The following GRIN2A variants were observed in gnomAD, a reference collection of about 807,000 sequenced individuals.
GRIN2A encodes glutamate ionotropic receptor NMDA type subunit 2A, also known as glutamate receptor ionotropic, NMDA 2A.
Under a neutral mutation model 113.4 loss-of-function variants are expected in GRIN2A, and 22 were observed. The ratio of observed to expected loss-of-function variants is 0.19; its 90% confidence interval spans 0.14 to 0.28. The LOEUF (loss-of-function observed/expected upper bound fraction) is 0.28. Among genes scored for constraint, GRIN2A ranks in the 10% least tolerant of loss-of-function variants. The probability of loss-of-function intolerance (pLI) is 1.00; values close to 1 mark genes in which losing one functional copy is unlikely to be tolerated. For missense variants in GRIN2A, 1,502 were observed against 1,887.0 expected, an observed-to-expected ratio of 0.80 and a Z score of 3.78; for synonymous variants, 827 against 738.4, an observed-to-expected ratio of 1.12 and a Z score of -1.94.
At chr16:9,975,867 T>C (rs2045764955) in intron 2 of GRIN2A, among the ~76,000 whole-genome samples, 1 of 152,190 alleles carries the variant, frequency 6.6e-6, no homozygotes, top group African/African-American at 2.4e-5. Context: ...GAATGGACCA[T>C]CTTTATTAGC....
At chr16:9,793,419 G>A (rs974075117) in intron 11 of GRIN2A, among the ~76,000 whole-genome samples, 11 of 152,070 alleles carry the variant, frequency 7.2e-5, no homozygotes, top group African/African-American at 2.7e-4. Flanking sequence ...AAATGCATGA[G>A]ATAGATGGGA....
intron 2 of GRIN2A, among the ~76,000 whole-genome samples, chr16:9,959,158 T>A (rs955149116): frequency 4.6e-5 from 7 of 152,200 alleles, no homozygotes; most frequent in African/African-American, 1.7e-4. Context: ...GGACAAGTAT[T>A]CATTTGGACC....
chr16:10,078,325 C>T (rs1372087453), intron 2 of GRIN2A, among the ~76,000 whole-genome samples: 1 of 151,870 alleles, frequency 6.6e-6, no homozygotes, highest in African/African-American at 2.4e-5. Context: ...CTCGTCTGTT[C>T]CTCGTGACCA....
chr16:9,772,635 C>A (rs1225563272), intron 11 of GRIN2A, among the ~76,000 whole-genome samples: 1 of 152,160 alleles, frequency 6.6e-6, no homozygotes, highest in East Asian at 1.9e-4. Flanking sequence ...CTCAGCCTCC[C>A]AAAGTGCTAG....
intron 11 of GRIN2A, among the ~76,000 whole-genome samples, chr16:9,783,384 G>A (rs1902040320): frequency 6.6e-6 from 1 of 152,150 alleles, no homozygotes; most frequent in South Asian, 2.1e-4. Context: ...TTTCAGTTTT[G>A]CCTGCTTTAT....
At chr16:10,070,881 C>T (rs2047736594) in intron 2 of GRIN2A, among the ~76,000 whole-genome samples, 1 of 152,182 alleles carries the variant, frequency 6.6e-6, no homozygotes, top group Admixed American at 6.5e-5. Context: ...GGGTACTTTG[C>T]CCTCTAAGAA....
intron 2 of GRIN2A, among the ~76,000 whole-genome samples, chr16:10,126,955 G>C (rs1015182091): frequency 6.6e-6 from 1 of 152,142 alleles, no homozygotes; most frequent in East Asian, 1.9e-4. Context: ...CATAAACAAA[G>C]AGCCTTTTCT....
intron 4 of GRIN2A, among the ~76,000 whole-genome samples, chr16:9,864,132 C>G (rs1396098716): frequency 6.6e-6 from 1 of 152,090 alleles, no homozygotes; most frequent in Non-Finnish European, 1.5e-5. Context: ...TGTACTTTTT[C>G]TGGGTAAATT....
chr16:10,006,997 T>C, intron 2 of GRIN2A, among the ~76,000 whole-genome samples: 1 of 152,254 alleles, frequency 6.6e-6, no homozygotes, highest in Admixed American at 6.5e-5. Flanking sequence ...TACTCCATTG[T>C]GTATATGTAC....
rs1048018768 is a variant in GRIN2A, at chr16:9,896,890, C to T, written c.1008-5790G>A. ...CCATTTTACACCACATTGATCAGTT[C>T]CCATTAACACCTGCTGGGCACTTGT... On this transcript the variant is annotated intron_variant, in intron 3 of 12. Coordinates refer to ENST00000330684, the MANE Select transcript of GRIN2A (RefSeq NM_001134407.3). 2.0e-5 allele frequency among the ~76,000 whole-genome samples: 3 copies of T among 152,280 alleles called. No individual in the cohort carries two copies. In the South Asian group the frequency reaches 6.2e-4, roughly 32 times the overall value.
intron 2 of GRIN2A, among the ~76,000 whole-genome samples, chr16:10,065,731 T>G (rs2047636389): frequency 1.3e-5 from 2 of 152,216 alleles, no homozygotes; most frequent in Non-Finnish European, 2.9e-5. Context: ...AAGTGAATGC[T>G]AAGCTGGAAG....
intron 10 of GRIN2A, among the ~76,000 whole-genome samples, chr16:9,815,660 C>T (rs1463700976): frequency 1.3e-5 from 2 of 152,026 alleles, no homozygotes; most frequent in African/African-American, 4.8e-5. Flanking sequence ...AAATTGGAAC[C>T]CTTGTGCACT....
At position 10,180,267 on chromosome 16, in the gene GRIN2A, G is replaced by A. The variant is rs1413736970; in HGVS notation, c.145C>T (p.Arg49Cys). ...GGGCCCCACAGTGTTCGAAGTTCGCGCTCTGTCACGTCGTGGCTGTGACCC... is the reference window on the plus strand; with the variant it reads ...GGGCCCCACAGTGTTCGAAGTTCGCACTCTGTCACGTCGTGGCTGTGACCC... The part of the protein sequence containing the change: ...MLGHSHDVTE[R>C]ELRTLWGPEQ... The change falls in exon 2 of 13, where the codon CGC becomes TGC. Residue 49 changes from arginine to cysteine, a missense_variant. Arg to Cys is a radical substitution (Grantham distance 180). Transcript: ENST00000330684. This position sits in a 1 kb window ranked among gnomAD's most constrained non-coding sequence, Gnocchi z 7.0. 6.2e-7 allele frequency: 1 copy of A among 1,613,606 alleles called. No individual in the cohort carries two copies. Among genetic ancestry groups the A allele is most frequent in the Non-Finnish European group, 8.5e-7 (1 of 1,180,016 alleles).
chr16:9,935,909 C>A (rs980796213), intron 3 of GRIN2A, among the ~76,000 whole-genome samples: 3 of 152,042 alleles, frequency 2.0e-5, no homozygotes, highest in Non-Finnish European at 4.4e-5. Flanking sequence ...ACCATGTTGA[C>A]CAGGCTGGTC....
chr16:10,026,829 C>G (rs527356751), intron 2 of GRIN2A, among the ~76,000 whole-genome samples: 1 of 152,284 alleles, frequency 6.6e-6, no homozygotes, highest in African/African-American at 2.4e-5. Flanking sequence ...CAGGTGCTTT[C>G]AGATTCAGGT....
At chr16:10,008,184 G>A (rs1443354522) in intron 2 of GRIN2A, among the ~76,000 whole-genome samples, 1 of 152,048 alleles carries the variant, frequency 6.6e-6, no homozygotes, top group African/African-American at 2.4e-5. Context: ...CTGCTTCTAA[G>A]AGAGGTCATG....
chr16:10,080,616 C>T (rs561274957), intron 2 of GRIN2A, among the ~76,000 whole-genome samples: 7 of 152,276 alleles, frequency 4.6e-5, no homozygotes, highest in East Asian at 3.9e-4. Flanking sequence ...GATTTCTCCA[C>T]GGCAGCAGCT....
At chr16:10,055,813 A>G (rs748652234) in intron 2 of GRIN2A, among the ~76,000 whole-genome samples, 1 of 152,246 alleles carries the variant, frequency 6.6e-6, no homozygotes, top group Non-Finnish European at 1.5e-5. Context: ...TGCCTGTCTG[A>G]GGCATATTTT....
intron 2 of GRIN2A, among the ~76,000 whole-genome samples, chr16:10,083,933 C>G (rs1047517195): frequency 3.9e-5 from 6 of 152,058 alleles, no homozygotes; most frequent in African/African-American, 1.2e-4. Context: ...GAAACCCTGT[C>G]TCTACAAAAA....
Sources: allele counts gnomAD v4.1 joint callset (sites outside exome capture counted in the v4.1 genomes callset), GRCh38; gene constraint gnomAD v4.1.1; non-coding constraint Gnocchi (gnomAD v3.1); transcripts MANE v1.5; gene names NCBI Gene and HGNC (gene_info 2026-07-23, HGNC 2026-07-21).